Variants in DTWD2 observed in about 807,000 individuals in gnomAD.
DTWD2 encodes the protein tRNA-uridine aminocarboxypropyltransferase 2.
A neutral mutation model predicts 31.8 loss-of-function variants in DTWD2; 39 were observed. The observed-to-expected ratio is 1.22, with a 90% CI of 0.95 to 1.60. DTWD2 has a LOEUF of 1.60. Ranked by LOEUF, DTWD2 falls within the 40% of genes most tolerant of loss-of-function variation. The pLI is 0.00. For missense variants in DTWD2, 515 were observed against 381.5 expected, an observed-to-expected ratio of 1.35 and a Z score of -2.92; for synonymous variants, 180 against 142.8, an observed-to-expected ratio of 1.26 and a Z score of -1.86.
chr5:118,920,969 G>C lies in DTWD2; in HGVS notation c.597+7568C>G, dbSNP rs567005969. 4.6e-5 allele frequency among the ~76,000 whole-genome samples: 7 copies of C among 152,290 alleles called. No individual in the cohort carries two copies. The South Asian group carries it at 1.2e-3, about 27-fold the overall frequency. ...AAGAATGGATGGAAGTAGGGAGGCA[G>C]AGAACTCCATGTCAAGATCTCTAAT... On this transcript the variant is annotated intron_variant, in intron 4 of 5. Coordinates refer to ENST00000510708, the MANE Select transcript of DTWD2 (RefSeq NM_173666.4).
At chr5:118,898,773 A>T (rs1033689725) in intron 4 of DTWD2, among the ~76,000 whole-genome samples, 15 of 152,152 alleles carry the variant, frequency 9.9e-5, no homozygotes, top group Admixed American at 2.6e-4. Context: ...CAAAATTGGC[A>T]CCCTAGAACA....
chr5:118,927,462 T>A (rs1281743499), intron 4 of DTWD2, among the ~76,000 whole-genome samples: 2 of 152,140 alleles, frequency 1.3e-5, no homozygotes, highest in Admixed American at 1.3e-4. Context: ...AAAAGTTCTA[T>A]AAAATAGAGA....
chr5:118,846,296 C>T (rs1751851015), intron 5 of DTWD2, among the ~76,000 whole-genome samples: 2 of 151,928 alleles, frequency 1.3e-5, no homozygotes, highest in South Asian at 2.1e-4. Flanking sequence ...TAGTACAAAC[C>T]CTATCCTTAA....
intron 1 of DTWD2, among the ~76,000 whole-genome samples, chr5:118,955,025 T>A (rs753806890): frequency 1.2e-4 from 18 of 152,184 alleles, no homozygotes; most frequent in Non-Finnish European, 2.5e-4. Context: ...TTTGTGATCA[T>A]TTTGATAAGT....
chr5:118,923,239 G>C (rs1462932451), intron 4 of DTWD2, among the ~76,000 whole-genome samples: 6 of 152,162 alleles, frequency 3.9e-5, no homozygotes, highest in Non-Finnish European at 7.3e-5. Flanking sequence ...TATCAGGTGA[G>C]GTTTGACAAT....
intron 1 of DTWD2, among the ~76,000 whole-genome samples, chr5:118,954,081 G>A (rs938720672): frequency 6.6e-6 from 1 of 152,120 alleles, no homozygotes; most frequent in African/African-American, 2.4e-5. Flanking sequence ...GATCAGCCTA[G>A]GAAACATAGC....
In DTWD2 at chr5:118,840,956, G is replaced by A. The variant is rs138333410; in HGVS notation, c.858C>T (p.Leu286=). 6 of 1,613,504 alleles carry A rather than the reference G, an allele frequency of 3.7e-6. No homozygotes were observed. The African/African-American group carries it at 8.0e-5, about 22-fold the overall frequency. ...TATTCATTAACAATTCCATTTTCCT[G>A]AGTTTGCGTTTGTTCTTTGGCATTG... ...PKPMPKNKRK[L]RKMELLMNSV... Residue 286 remains leucine (L), a synonymous_variant, in exon 6 of 6, where the codon CTC becomes CTT. Coordinates refer to ENST00000510708, the MANE Select transcript of DTWD2 (RefSeq NM_173666.4).
chr5:118,892,665 G>A (rs1399175386), intron 4 of DTWD2, among the ~76,000 whole-genome samples: 5 of 151,912 alleles, frequency 3.3e-5, no homozygotes, highest in African/African-American at 4.8e-5. Flanking sequence ...CAAATTTGTG[G>A]GAAAGGCTGC....
In DTWD2 at chr5:118,839,835, G is replaced by C. The variant is rs533595067; in HGVS notation, c.*1082C>G. 6.6e-6 allele frequency: 1 copy of C among 152,254 alleles called. No individual in the cohort carries two copies. The highest frequency in any genetic ancestry group is 2.1e-4 in the South Asian group (1 of 4,826). 9.4% of individuals were successfully genotyped at this position (152,254 alleles called of 1,614,324 possible). A position where few individuals can be genotyped will look rare whatever the true frequency, so the allele number is the denominator to read the frequency against. The stretch of plus-strand genomic sequence containing the variant: ...TAATAAACAAATGATCATGAAAACT[G>C]TGAGAAATAATCATTGGTGTATGCT... On this transcript the variant is annotated 3_prime_UTR_variant, in exon 6 of 6. Coordinates refer to ENST00000510708, the MANE Select transcript of DTWD2 (RefSeq NM_173666.4).
intron 4 of DTWD2, among the ~76,000 whole-genome samples, chr5:118,914,701 GC>G (rs1753534872): frequency 6.6e-6 from 1 of 152,066 alleles, no homozygotes; most frequent in Non-Finnish European, 1.5e-5. Context: ...CTGCACTCCA[GC>G]TTAAGCAGTA....
chr5:118,929,116 C>G (rs903648953), intron 3 of DTWD2, among the ~76,000 whole-genome samples: 1 of 152,226 alleles, frequency 6.6e-6, no homozygotes, highest in Non-Finnish European at 1.5e-5. Flanking sequence ...CACAAACAAT[C>G]CTAACAATCC....
At chr5:118,848,703 G>A (rs960769816) in intron 4 of DTWD2, among the ~76,000 whole-genome samples, 1 of 152,034 alleles carries the variant, frequency 6.6e-6, no homozygotes, top group African/African-American at 2.4e-5. Flanking sequence ...ACAGAACAGA[G>A]GCCTCAGAAA....
At chr5:118,910,939 A>G (rs1561452026) in intron 4 of DTWD2, among the ~76,000 whole-genome samples, 1 of 152,080 alleles carries the variant, frequency 6.6e-6, no homozygotes, top group Non-Finnish European at 1.5e-5. Flanking sequence ...CACTAATCCA[A>G]TTCATGAAGG....
At chr5:118,964,410 T>C (rs943204368) in intron 1 of DTWD2, among the ~76,000 whole-genome samples, 2 of 151,702 alleles carry the variant, frequency 1.3e-5, no homozygotes, top group Non-Finnish European at 2.9e-5. Context: ...CCTCTCCTTC[T>C]CCCCACGGTC....
At chr5:118,893,276 G>A (rs1289293138) in intron 4 of DTWD2, among the ~76,000 whole-genome samples, 3 of 149,652 alleles carry the variant, frequency 2.0e-5, no homozygotes, top group South Asian at 2.1e-4. Context: ...CACGAGAATC[G>A]CTTGAACCTG....
intron 4 of DTWD2, among the ~76,000 whole-genome samples, chr5:118,913,609 G>C (rs1016259759): frequency 2.6e-5 from 4 of 151,842 alleles, no homozygotes; most frequent in African/African-American, 9.7e-5. Context: ...AGTTCAAGAA[G>C]TGAATGAAAT....
intron 4 of DTWD2, 151 bp from the exon 5 acceptor site, chr5:118,848,369 G>A: frequency 1.6e-6 from 1 of 643,840 alleles, no homozygotes; most frequent in East Asian, 3.1e-5. Context: ...ACATCCTTTT[G>A]TTGCAATTGT....
intron 1 of DTWD2, among the ~76,000 whole-genome samples, chr5:118,985,275 T>C (rs754713973): frequency 6.6e-6 from 1 of 151,978 alleles, no homozygotes; most frequent in African/African-American, 2.4e-5. Context: ...ATCCTAAATA[T>C]TAGAATCCAG....
intron 4 of DTWD2, among the ~76,000 whole-genome samples, chr5:118,880,623 C>T (rs4895183): frequency 0.34 from 51,618 of 151,988 alleles, 11,902 homozygotes; most frequent in African/African-American, 0.66. Context: ...TTAAATGGTG[C>T]TACTCTTCAT....
Sources: allele counts gnomAD v4.1 joint callset (sites outside exome capture counted in the v4.1 genomes callset), GRCh38; gene constraint gnomAD v4.1.1; transcripts MANE v1.5; gene names NCBI Gene and HGNC (gene_info 2026-07-23, HGNC 2026-07-21).